TARBP1: variants seen among roughly 807,000 people sequenced by gnomAD.
TARBP1 encodes the protein tRNA (guanosine(18)-2'-O)-methyltransferase TARBP1.
In TARBP1, 144 loss-of-function variants were observed where a neutral mutation model predicts 178.6. That is an observed-to-expected ratio of 0.81 (90% CI 0.70 to 0.93). The LOEUF (loss-of-function observed/expected upper bound fraction) is 0.93. Ranked by LOEUF, TARBP1 falls within the 40% of genes least tolerant of loss-of-function variation. TARBP1 has a pLI of 0.00. For missense variants in TARBP1, 2,067 were observed against 2,011.7 expected (o/e 1.03, Z -0.53); for synonymous variants, 787 against 781.0 (o/e 1.01, Z -0.13).
chr1:234,399,428 C>A (rs2103040129), intron 25 of TARBP1, among the ~76,000 whole-genome samples: 1 of 152,304 alleles, frequency 6.6e-6, no homozygotes, highest in South Asian at 2.1e-4. Context: ...AAGTACAGCT[C>A]CAAATACATG....
intron 12 of TARBP1, among the ~76,000 whole-genome samples, chr1:234,440,212 A>G (rs1665450720): frequency 6.6e-6 from 1 of 152,296 alleles, no homozygotes; most frequent in Non-Finnish European, 1.5e-5. Context: ...CAACACTTGG[A>G]GGAAAATTAA....
Position 234,427,356 on chromosome 1 carries a change from T to C in TARBP1, c.3284A>G (p.Asn1095Ser). 1 of 1,612,292 alleles carries C rather than the reference T, an allele frequency of 6.2e-7. No homozygotes were observed. The highest frequency in any genetic ancestry group is 1.1e-5 in the South Asian group (1 of 90,582). The part of the protein sequence containing the change: ...LVQDVQTFIE[N>S]LGHDCAANIV... ...ATTTGCCGCACAGTCATGTCCAAGG[T>C]TTTCTATGAAGGTCTGTACATCCTG... is the stretch of plus-strand genomic sequence containing the variant. Residue 1095 changes from asparagine to serine, a missense_variant, in exon 19 of 30, where the codon AAC becomes AGC. Physicochemically the swap from Asn to Ser is conservative, Grantham distance 46 (BLOSUM62 1). Coordinates refer to ENST00000040877, the MANE Select transcript of TARBP1 (RefSeq NM_005646.4).
Position 234,450,544 on chromosome 1 carries a change from T to C in TARBP1, c.1745A>G (p.Asn582Ser), listed in dbSNP as rs771992323. 1.2e-6 allele frequency: 2 copies of C among 1,610,262 alleles called. No individual in the cohort carries two copies. Among genetic ancestry groups the C allele is most frequent in the Non-Finnish European group, 1.7e-6 (2 of 1,178,874 alleles). Residue 582 changes from asparagine (N) to serine (S), a missense_variant, in exon 10 of 30, where the codon AAT becomes AGT. Coordinates refer to ENST00000040877, the MANE Select transcript of TARBP1 (RefSeq NM_005646.4). Reference protein sequence around the residue: ...WTELCDWLRVNESYFKPSPTC... With the variant: ...WTELCDWLRVSESYFKPSPTC... ...AGGGGATGGCTTAAAATAGCTTTCATTAACACGTAGCCAGTCACACAGCTG... is the reference window on the plus strand; with the variant it reads ...AGGGGATGGCTTAAAATAGCTTTCACTAACACGTAGCCAGTCACACAGCTG...
chr1:234,445,943 G>A (rs1027631870), intron 12 of TARBP1, among the ~76,000 whole-genome samples: 4 of 152,136 alleles, frequency 2.6e-5, no homozygotes, highest in African/African-American at 9.7e-5. Context: ...AAATAGTCAG[G>A]ACAGCGCCAA....
intron 22 of TARBP1, among the ~76,000 whole-genome samples, chr1:234,415,607 C>G (rs1662334583): frequency 6.6e-6 from 1 of 152,086 alleles, no homozygotes; most frequent in South Asian, 2.1e-4. Flanking sequence ...GGCACCTGAC[C>G]CGGTTCCAAA....
chr1:234,478,492 C>T lies in TARBP1; in HGVS notation c.612G>A (p.Gly204=). 7.2e-7 allele frequency: 1 copy of T among 1,391,310 alleles called. No individual in the cohort carries two copies. The highest frequency in any genetic ancestry group is 9.3e-7 in the Non-Finnish European group (1 of 1,069,824). The allele number at this position is 1,391,310 out of a possible 1,614,324, so 86.2% of individuals were successfully genotyped here. A position where few individuals can be genotyped will look rare whatever the true frequency, so the allele number is the denominator to read the frequency against. The change falls in exon 1 of 30, where the codon GGG becomes GGA. Residue 204 remains glycine, a synonymous_variant. Transcript: ENST00000040877. Reference sequence around the variant, plus strand: ...CGCCCCACACGGCCCGCAGCGCCGCCCCGCCACATTGGACCAGCACTGGCA... The same window carrying T: ...CGCCCCACACGGCCCGCAGCGCCGCTCCGCCACATTGGACCAGCACTGGCA... ...RLLPVLVQCG[G]AALRAVWGGL...
chr1:234,434,969 A>G (rs1558203203), intron 13 of TARBP1, among the ~76,000 whole-genome samples: 1 of 152,202 alleles, frequency 6.6e-6, no homozygotes, highest in African/African-American at 2.4e-5. Flanking sequence ...ACTAAAGAAT[A>G]AAGAAAAATA....
At chr1:234,425,434 G>A (rs1287677049) in intron 20 of TARBP1, among the ~76,000 whole-genome samples, 2 of 151,798 alleles carry the variant, frequency 1.3e-5, no homozygotes, top group Non-Finnish European at 2.9e-5. Flanking sequence ...TGCCCCAGCT[G>A]GTCGCAAACT....
At chr1:234,429,716 A>T in intron 15 of TARBP1, 39 bp from the exon 16 acceptor site, 1 of 1,442,202 alleles carries the variant, frequency 6.9e-7, no homozygotes, top group Non-Finnish European at 9.3e-7. Context: ...ATACTTCCCC[A>T]ATTTGCCTCC....
intron 25 of TARBP1, 79 bp downstream of exon 25, chr1:234,401,102 A>C: frequency 8.3e-7 from 1 of 1,210,442 alleles, no homozygotes; most frequent in South Asian, 1.4e-5. Flanking sequence ...CCCTAATCAC[A>C]ACCCTTCAAC....
chr1:234,425,226 T>C (rs1006709520), intron 20 of TARBP1, among the ~76,000 whole-genome samples: 1 of 152,082 alleles, frequency 6.6e-6, no homozygotes, highest in Admixed American at 6.6e-5. Flanking sequence ...AGCAAGACTC[T>C]GTCTCAGAAG....
chr1:234,462,687 C>CAAAAA (rs35604890), intron 6 of TARBP1, among the ~76,000 whole-genome samples: 37 of 102,688 alleles, frequency 3.6e-4, no homozygotes, highest in East Asian at 8.3e-4. Context: ...GACTTCATCT[C>CAAAAA]AAAAAAAAAA....
At chr1:234,470,043 G>C (rs1402780837) in intron 3 of TARBP1, among the ~76,000 whole-genome samples, 3 of 152,178 alleles carry the variant, frequency 2.0e-5, no homozygotes, top group Non-Finnish European at 4.4e-5. Flanking sequence ...GAGGCAGGTG[G>C]ATCACCTGAG....
chr1:234,469,077 T>TAA (rs1327979551), intron 3 of TARBP1, among the ~76,000 whole-genome samples: 2,031 of 63,538 alleles, frequency 0.032, 69 homozygotes, highest in South Asian at 0.064. Context: ...TTTTTTTTTT[T>TAA]AAAAAAAAAA....
At position 234,478,594 on chromosome 1, in the gene TARBP1, C is replaced by A; in HGVS notation, c.510G>T (p.Leu170=). 1 of 1,298,152 alleles carries A rather than the reference C, an allele frequency of 7.7e-7. No individual in the cohort carries two copies. The highest frequency in any genetic ancestry group is 9.8e-7 in the Non-Finnish European group (1 of 1,025,346). 80.4% of individuals were successfully genotyped at this position (1,298,152 alleles called of 1,614,324 possible). ...CCCCGTCCCCGCCCCCGCCCAGCGC[C>A]AGGGCGACGGCGGTCCCCGCCACGC... is the stretch of plus-strand genomic sequence containing the variant. The part of the protein sequence containing the change: ...LERVAGTAVA[L]ALGGGGDGDE... Residue 170 remains leucine, a synonymous_variant, in exon 1 of 30, where the codon CTG becomes CTT. Transcript: ENST00000040877.
intron 1 of TARBP1, among the ~76,000 whole-genome samples, chr1:234,477,785 G>T (rs990501908): frequency 6.6e-6 from 1 of 152,148 alleles, no homozygotes; most frequent in East Asian, 1.9e-4. Flanking sequence ...CTAATTCACT[G>T]GTCAGTACAG....
At chr1:234,412,447 G>T (rs1182017035) in intron 22 of TARBP1, among the ~76,000 whole-genome samples, 1 of 151,686 alleles carries the variant, frequency 6.6e-6, no homozygotes, top group Non-Finnish European at 1.5e-5. Context: ...GACAATATGG[G>T]CCAGGTGCAG....
At chr1:234,460,693 G>GTATA (rs1393356451) in intron 6 of TARBP1, among the ~76,000 whole-genome samples, 2 of 152,104 alleles carry the variant, frequency 1.3e-5, no homozygotes, top group Non-Finnish European at 2.9e-5. Context: ...CTACTTCCAG[G>GTATA]TATATATCCA....
At position 234,433,549 on chromosome 1, in the gene TARBP1, T is replaced by C. The variant is rs1161313600; in HGVS notation, c.2255A>G (p.His752Arg). 2 of 1,613,068 alleles carry C rather than the reference T, an allele frequency of 1.2e-6. No homozygotes were observed. Among genetic ancestry groups the C allele is most frequent in the South Asian group, 1.1e-5 (1 of 90,972 alleles). ...CTCAGTTAACACCATCAGGTATAAA[T>C]GGCAACGATCCAGATCTGAAACCTA... ...LNSVSDLDRC[H>R]LYLMVLTELI... is the part of the protein sequence containing the mutation. Residue 752 changes from histidine (H) to arginine (R), a missense_variant, in exon 14 of 30, where the codon CAT (histidine) becomes CGT (arginine). Coordinates refer to ENST00000040877, the MANE Select transcript of TARBP1 (RefSeq NM_005646.4).
Sources: gnomAD v4.1 joint callset for allele counts (sites outside exome capture counted in the v4.1 genomes callset) on GRCh38, gnomAD v4.1.1 for gene constraint, MANE v1.5 for transcripts, NCBI Gene and HGNC (gene_info 2026-07-23, HGNC 2026-07-21) for gene names.